TANC1: variants seen among roughly 807,000 people sequenced by gnomAD.
TANC1 encodes tetratricopeptide repeat, ankyrin repeat and coiled-coil containing 1.
Under a neutral mutation model 149.7 loss-of-function variants are expected in TANC1, and 77 were observed. The ratio of observed to expected loss-of-function variants is 0.51; its 90% CI spans 0.43 to 0.62. TANC1 has a LOEUF of 0.62. Among genes scored for constraint, TANC1 ranks in the 20% least tolerant of loss-of-function variants. The pLI is 0.00. For synonymous variants in TANC1, 854 were observed against 925.0 expected (o/e 0.92, Z 1.39); for missense variants, 1,985 against 2,321.8 (o/e 0.85, Z 2.98).
At chr2:159,123,677 A>G (rs1424368931) in intron 4 of TANC1, among the ~76,000 whole-genome samples, 1 of 152,216 alleles carries the variant, frequency 6.6e-6, no homozygotes, top group Non-Finnish European at 1.5e-5. Flanking sequence ...AATGAGTATA[A>G]TTTACTTAAA....
intron 2 of TANC1, among the ~76,000 whole-genome samples, chr2:159,017,011 A>G (rs935408294): frequency 1.3e-5 from 2 of 151,898 alleles, no homozygotes; most frequent in African/African-American, 4.8e-5. Context: ...GATTTTAAAA[A>G]AATTTATCTC....
intron 3 of TANC1, among the ~76,000 whole-genome samples, chr2:159,089,365 G>A: frequency 6.6e-6 from 1 of 152,166 alleles, no homozygotes; most frequent in East Asian, 1.9e-4. Flanking sequence ...CTAGCCAGAT[G>A]CAGTTTTAAA....
In TANC1 at chr2:159,219,814, A is replaced by C; in HGVS notation, c.3625A>C (p.Lys1209Gln). 6.2e-7 allele frequency: 1 copy of C among 1,613,946 alleles called. No homozygotes were observed. Among genetic ancestry groups the C allele is most frequent in the Non-Finnish European group, 8.5e-7 (1 of 1,180,042 alleles). The change falls in exon 22 of 27, where the codon AAG becomes CAG. Residue 1209 changes from lysine (K) to glutamine (Q), a missense_variant. Lys to Gln is a moderately conservative substitution (Grantham distance 53, BLOSUM62 1). Around this residue, in one of 3 missense-constraint regions of TANC1, gnomAD observed 920 missense variants for 994.7 expected, o/e 0.92. Coordinates refer to ENST00000263635, the MANE Select transcript of TANC1 (RefSeq NM_033394.3). ...AGGAGCTGCAATAGACCAGACAGAC[A>C]AGAATGGCCGCACACCCTTGGACCT... Reference protein sequence around the residue: ...EEGAAIDQTDKNGRTPLDLAA... With the variant: ...EEGAAIDQTDQNGRTPLDLAA...
chr2:158,973,536 T>A (rs1409994340), intron 1 of TANC1, among the ~76,000 whole-genome samples: 1 of 152,228 alleles, frequency 6.6e-6, no homozygotes, highest in Non-Finnish European at 1.5e-5. Context: ...AATTGGCCTT[T>A]TTGATGTTAG....
rs1559351869 is a variant in TANC1 at position 159,150,566 on chromosome 2, A to C, written c.682+10A>C. On this transcript the variant is annotated intron_variant, in intron 7 of 26. Coordinates refer to ENST00000263635, the MANE Select transcript of TANC1 (RefSeq NM_033394.3). The stretch of plus-strand genomic sequence containing the variant: ...GACAGTGGAATTATAGGTAAGAAGC[A>C]CACTGCTCGGTAACATAATGGCTCG... 1 of 1,603,680 alleles carries C rather than the reference A, an allele frequency of 6.2e-7. No homozygotes were observed. The highest frequency in any genetic ancestry group is 1.3e-5 in the African/African-American group (1 of 74,846).
chr2:159,225,258 C>CG (rs1559492767), intron 23 of TANC1: 4 of 227,532 alleles, frequency 1.8e-5, no homozygotes, highest in Non-Finnish European at 3.5e-5. Context: ...AGGTTGTGGC[C>CG]GAGCTGTAGG....
intron 1 of TANC1, among the ~76,000 whole-genome samples, chr2:158,987,074 C>G (rs868392330): frequency 6.6e-6 from 1 of 150,848 alleles, no homozygotes; most frequent in African/African-American, 2.4e-5. Context: ...ATTGGTCAGG[C>G]GTCATTGTGG....
At chr2:159,082,388 C>T (rs1014897918) in intron 3 of TANC1, among the ~76,000 whole-genome samples, 1 of 150,476 alleles carries the variant, frequency 6.6e-6, no homozygotes, top group Non-Finnish European at 1.5e-5. Flanking sequence ...AAAAAAAAGA[C>T]GGTGCTTAGA....
chr2:159,133,356 T>TC (rs1322254882), intron 4 of TANC1, among the ~76,000 whole-genome samples: 3 of 79,640 alleles, frequency 3.8e-5, no homozygotes, highest in Non-Finnish European at 8.8e-5. Context: ...TTTTTTTTTT[T>TC]TTCTCTTTTT....
intron 19 of TANC1, 37 bp downstream of exon 19, chr2:159,199,090 T>C (rs1465251453): frequency 6.5e-7 from 1 of 1,534,848 alleles, no homozygotes; most frequent in East Asian, 2.2e-5. Flanking sequence ...CTGGGGCAGC[T>C]TGCTTGATGT....
chr2:159,112,420 T>TA (rs2047822001), intron 4 of TANC1, among the ~76,000 whole-genome samples: 1 of 152,144 alleles, frequency 6.6e-6, no homozygotes, highest in East Asian at 1.9e-4. Context: ...CACATGCAGC[T>TA]AATTTTCGTA....
chr2:159,036,480 G>A (rs1005534479), intron 2 of TANC1, among the ~76,000 whole-genome samples: 2 of 152,056 alleles, frequency 1.3e-5, no homozygotes, highest in Admixed American at 1.3e-4. Context: ...ATTTACATTA[G>A]GTATCTCTCC....
chr2:159,224,454 G>C (rs976683447), intron 23 of TANC1, 90 bp downstream of exon 23: 1 of 1,465,854 alleles, frequency 6.8e-7, no homozygotes, highest in Non-Finnish European at 9.4e-7. Context: ...CTGCTCCCAG[G>C]TTAGGAAGTA....
chr2:159,149,358 G>T, intron 6 of TANC1, 86 bp downstream of exon 6: 1 of 1,576,540 alleles, frequency 6.3e-7, no homozygotes, highest in Non-Finnish European at 8.7e-7. Context: ...CTTGAGCAGG[G>T]AAGCCATTGT....
chr2:159,066,788 C>T (rs1166236649), intron 3 of TANC1, among the ~76,000 whole-genome samples: 1 of 152,172 alleles, frequency 6.6e-6, no homozygotes, highest in East Asian at 1.9e-4. Flanking sequence ...GAATTTCATT[C>T]TTGTTTGTAG....
chr2:159,097,620 T>TTC lies in TANC1; in HGVS notation c.62-9_62-8dup. On this transcript the variant is annotated splice_polypyrimidine_tract_variant and intron_variant, in intron 3 of 26. Transcript: ENST00000263635. ...ATGAATGGATGGTTTAACCTAAGTA[T>TTC]TCTCTCTCTACTCTAGGAAGTGACT... is the stretch of plus-strand genomic sequence containing the variant. 1 of 1,596,914 alleles carries TTC rather than the reference T, an allele frequency of 6.3e-7. No homozygotes were observed. The highest frequency in any genetic ancestry group is 1.7e-5 in the Admixed American group (1 of 59,904).
At chr2:159,208,135 G>A (rs1012401382) in intron 19 of TANC1, among the ~76,000 whole-genome samples, 5 of 152,148 alleles carry the variant, frequency 3.3e-5, no homozygotes, top group African/African-American at 1.2e-4. Flanking sequence ...GATTAAATGA[G>A]AATCCACCCA....
chr2:159,064,913 G>A (rs905334004), intron 2 of TANC1, among the ~76,000 whole-genome samples: 4 of 151,808 alleles, frequency 2.6e-5, no homozygotes, highest in Non-Finnish European at 4.4e-5. Context: ...TCCCTTCCCC[G>A]TCCTCATTCC....
intron 8 of TANC1, among the ~76,000 whole-genome samples, chr2:159,167,017 A>G (rs1575059967): frequency 6.6e-6 from 1 of 152,224 alleles, no homozygotes; most frequent in Non-Finnish European, 1.5e-5. Context: ...TTTAGATACA[A>G]TCTAGGGCAT....
Sources: allele counts gnomAD v4.1 joint callset (sites outside exome capture counted in the v4.1 genomes callset), GRCh38; gene constraint gnomAD v4.1.1; regional missense constraint gnomAD v4.1.1; transcripts MANE v1.5; gene names NCBI Gene and HGNC (gene_info 2026-07-23, HGNC 2026-07-21).